VAV2: variants seen among roughly 807,000 people sequenced by gnomAD.
VAV2 encodes the protein vav guanine nucleotide exchange factor 2, also known as guanine nucleotide exchange factor VAV2.
Under a neutral mutation model 132.5 loss-of-function variants are expected in VAV2, and 67 were observed. The ratio of observed to expected loss-of-function variants is 0.51; its 90% CI spans 0.42 to 0.62. The LOEUF is 0.62. Ranked by LOEUF, VAV2 falls within the 20% of genes least tolerant of loss-of-function variation. VAV2 has a pLI of 0.00. For missense variants in VAV2, 938 were observed against 1,153.6 expected (o/e 0.81, Z 2.71); for synonymous variants, 492 against 443.5 (o/e 1.11, Z -1.37).
At chr9:133,886,408 T>C (rs574575630) in intron 2 of VAV2, among the ~76,000 whole-genome samples, 7 of 152,244 alleles carry the variant, frequency 4.6e-5, no homozygotes, top group Admixed American at 4.6e-4. Context: ...CTGCTGAAGG[T>C]CACCCAGCTT....
intron 26 of VAV2, among the ~76,000 whole-genome samples, chr9:133,771,071 T>C (rs1008034935): frequency 6.7e-6 from 1 of 148,868 alleles, no homozygotes; most frequent in Non-Finnish European, 1.5e-5. Flanking sequence ...TCTTTTTTTT[T>C]TTTTTTTTTT....
At chr9:133,819,724 C>T (rs550587280) in intron 4 of VAV2, among the ~76,000 whole-genome samples, 229 of 152,224 alleles carry the variant, frequency 1.5e-3, no homozygotes, top group African/African-American at 5.3e-3. Flanking sequence ...ACTTTTCATT[C>T]GTCCAAAGCG....
At chr9:133,908,988 C>T (rs572424980) in intron 2 of VAV2, among the ~76,000 whole-genome samples, 2 of 152,192 alleles carry the variant, frequency 1.3e-5, no homozygotes, top group Non-Finnish European at 2.9e-5. Flanking sequence ...CAGGGACCCA[C>T]GAGGAATGAT....
In VAV2 at chr9:133,833,790, G is replaced by A. The variant is rs1469289114; in HGVS notation, c.449+482C>T. 2.0e-5 allele frequency among the ~76,000 whole-genome samples: 3 copies of A among 152,192 alleles called. No homozygotes were observed. Among genetic ancestry groups the A allele is most frequent in the East Asian group, 1.9e-4 (1 of 5,148 alleles). Reference sequence around the variant, plus strand: ...GGAGAAGAGCAGAGGCGGGTCCACCGAGGCAGGGCAGTGCCTGCCGGGCCA... The same window carrying A: ...GGAGAAGAGCAGAGGCGGGTCCACCAAGGCAGGGCAGTGCCTGCCGGGCCA... On this transcript the variant is annotated intron_variant, in intron 4 of 29. Coordinates refer to ENST00000371850, the MANE Select transcript of VAV2 (RefSeq NM_001134398.2). This position sits in a 1 kb window ranked among gnomAD's most constrained non-coding sequence, Gnocchi z 5.6.
chr9:133,865,703 T>G (rs1451119239), intron 2 of VAV2, among the ~76,000 whole-genome samples: 1 of 152,226 alleles, frequency 6.6e-6, no homozygotes, highest in African/African-American at 2.4e-5. Context: ...TCCCACATGC[T>G]GATTTGTTTC....
At chr9:133,914,902 T>G (rs1479562399) in intron 2 of VAV2, among the ~76,000 whole-genome samples, 1 of 150,294 alleles carries the variant, frequency 6.7e-6, no homozygotes, top group Non-Finnish European at 1.5e-5. Flanking sequence ...TTTGGGACTT[T>G]GGAACAGGTG....
chr9:133,915,672 ACACACACAATGCACACGTG>A (rs1263319683), intron 2 of VAV2, among the ~76,000 whole-genome samples: 2 of 150,896 alleles, frequency 1.3e-5, no homozygotes, highest in Admixed American at 6.6e-5. Flanking sequence ...ACACATGCAC[ACACACACAATGCACACGTG>A]CACACACAAT....
At chr9:133,812,602 G>C (rs902968731) in intron 4 of VAV2, among the ~76,000 whole-genome samples, 3 of 139,212 alleles carry the variant, frequency 2.2e-5, no homozygotes, top group Admixed American at 7.0e-5. Flanking sequence ...CCTGCCTCCA[G>C]AACAGAAGCC....
intron 25 of VAV2, among the ~76,000 whole-genome samples, chr9:133,772,667 A>T (rs979239525): frequency 6.6e-6 from 1 of 151,306 alleles, no homozygotes; most frequent in Non-Finnish European, 1.5e-5. Flanking sequence ...ACTACAGCCC[A>T]ATGTCCCTAA....
intron 3 of VAV2, among the ~76,000 whole-genome samples, chr9:133,860,880 G>C (rs1028837313): frequency 6.6e-6 from 1 of 152,132 alleles, no homozygotes; most frequent in African/African-American, 2.4e-5. Flanking sequence ...GGGACCCTCT[G>C]AGGCTGAATT....
chr9:133,765,255 A>G (rs1210035618), intron 29 of VAV2, among the ~76,000 whole-genome samples: 4 of 152,246 alleles, frequency 2.6e-5, no homozygotes, highest in African/African-American at 9.6e-5. Context: ...CCTAACCTCA[A>G]AGTATTACCC....
chr9:133,890,169 C>A (rs1206492134), intron 2 of VAV2, among the ~76,000 whole-genome samples: 1 of 152,186 alleles, frequency 6.6e-6, no homozygotes, highest in Admixed American at 6.5e-5. Flanking sequence ...ATCCACAGGG[C>A]ACAGAGCCCT....
At chr9:133,977,847 C>T (rs554670214) in intron 1 of VAV2, among the ~76,000 whole-genome samples, 4 of 152,364 alleles carry the variant, frequency 2.6e-5, no homozygotes, top group African/African-American at 7.2e-5. Context: ...TCAGGAAGGC[C>T]ACGCCAAGTC....
chr9:133,954,662 G>T (rs955851930), intron 1 of VAV2, among the ~76,000 whole-genome samples: 2 of 152,252 alleles, frequency 1.3e-5, no homozygotes, highest in Non-Finnish European at 2.9e-5. Flanking sequence ...GCAGGGCAAG[G>T]TCTGTGATGT....
chr9:133,984,768 C>T (rs1842798929), intron 1 of VAV2, among the ~76,000 whole-genome samples: 1 of 151,994 alleles, frequency 6.6e-6, no homozygotes, highest in Admixed American at 6.6e-5. Context: ...ATTAGCCAAG[C>T]GTGGTGGCAA....
chr9:133,805,716 G>C (rs1367041517), intron 9 of VAV2, among the ~76,000 whole-genome samples: 4 of 152,176 alleles, frequency 2.6e-5, no homozygotes, highest in African/African-American at 9.7e-5. Context: ...TTTCATCCTT[G>C]TCCACATCCT....
chr9:133,770,058 C>T (rs1833564350), intron 27 of VAV2, among the ~76,000 whole-genome samples: 1 of 152,228 alleles, frequency 6.6e-6, no homozygotes. Flanking sequence ...GTGGGCCTGC[C>T]CTTTTCTCTC....
chr9:133,975,130 C>T (rs961652376), intron 1 of VAV2, among the ~76,000 whole-genome samples: 1 of 152,190 alleles, frequency 6.6e-6, no homozygotes, highest in Non-Finnish European at 1.5e-5. Flanking sequence ...GGAATGAAGG[C>T]CTCATTTCAT....
chr9:133,871,432 GGATT>G (rs1309317368), intron 2 of VAV2, among the ~76,000 whole-genome samples: 30 of 148,180 alleles, frequency 2.0e-4, no homozygotes, highest in East Asian at 1.2e-3. Flanking sequence ...ACAGATGGAT[GGATT>G]GATTGATGGA....
Sources: gnomAD v4.1 joint callset for allele counts (sites outside exome capture counted in the v4.1 genomes callset) on GRCh38, gnomAD v4.1.1 for gene constraint, Gnocchi (gnomAD v3.1) non-coding constraint, MANE v1.5 for transcripts, NCBI Gene and HGNC (gene_info 2026-07-23, HGNC 2026-07-21) for gene names.